GRIN2D: variants seen among roughly 807,000 people sequenced by gnomAD.
The protein encoded by GRIN2D is glutamate receptor ionotropic, NMDA 2D.
Under a neutral mutation model 103.2 loss-of-function variants are expected in GRIN2D, and 37 were observed. That is an observed-to-expected ratio of 0.36 (90% CI 0.28 to 0.47). The LOEUF is 0.47. Ranked by LOEUF, GRIN2D falls within the 20% of genes least tolerant of loss-of-function variation. GRIN2D has a pLI of 1.00. For synonymous variants in GRIN2D, 845 were observed against 885.6 expected, an observed-to-expected ratio of 0.95 and a Z score of 0.81; for missense variants, 1,557 against 1,910.6, an observed-to-expected ratio of 0.81 and a Z score of 3.45.
chr19:48,416,959 A>G (rs1364997268), intron 8 of GRIN2D, among the ~76,000 whole-genome samples: 1 of 152,022 alleles, frequency 6.6e-6, no homozygotes, highest in African/African-American at 2.4e-5. Flanking sequence ...TGGCCAGCCT[A>G]ATCTCAAACT....
chr19:48,419,688 C>T lies in GRIN2D; in HGVS notation c.1965C>T (p.Ser655=). 6.2e-7 allele frequency: 1 copy of T among 1,613,580 alleles called. No homozygotes were observed. The highest frequency in any genetic ancestry group is 8.5e-7 in the Non-Finnish European group (1 of 1,179,866). The part of the protein sequence containing the change: ...VPVENPRGTT[S]KIMVLVWAFF... Reference sequence around the variant, plus strand: ...TGGAGAACCCCCGGGGAACCACCAGCAAAATCATGGTGCTGGTGTGGGCCT... The same window carrying T: ...TGGAGAACCCCCGGGGAACCACCAGTAAAATCATGGTGCTGGTGTGGGCCT... Residue 655 remains serine, a synonymous_variant, in exon 10 of 14, where the codon AGC becomes AGT. Coordinates refer to ENST00000263269, the MANE Select transcript of GRIN2D (RefSeq NM_000836.4).
In GRIN2D at chr19:48,404,873, C is replaced by T. The variant is rs1970764503; in HGVS notation, c.605C>T (p.Ser202Phe). The part of the protein sequence containing the change: ...TRAPGHRAFL[S>F]YIEVLTDGSL... Reference sequence around the variant, plus strand: ...GCCCCTGGCCACCGGGCCTTCCTGTCCTACATTGAGGTGCTGACTGACGGT... The same window carrying T: ...GCCCCTGGCCACCGGGCCTTCCTGTTCTACATTGAGGTGCTGACTGACGGT... Residue 202 changes from serine (S) to phenylalanine (F), a missense_variant, in exon 4 of 14, where the codon TCC (serine) becomes TTC (phenylalanine). Physicochemically the swap from Ser to Phe is radical, Grantham distance 155. Coordinates refer to ENST00000263269, the MANE Select transcript of GRIN2D (RefSeq NM_000836.4). The T allele has an allele frequency of 6.2e-7, 1 of 1,614,202 alleles. No individual in the cohort carries two copies. The highest frequency in any genetic ancestry group is 8.5e-7 in the Non-Finnish European group (1 of 1,180,046).
intron 3 of GRIN2D, among the ~76,000 whole-genome samples, chr19:48,400,616 C>T (rs1388632784): frequency 6.6e-6 from 1 of 152,302 alleles, no homozygotes; most frequent in South Asian, 2.1e-4. Flanking sequence ...AGTGTACGCC[C>T]ATAGCATTCT....
chr19:48,426,220 C>CTTTCTTTTTTTTTTT (rs1971083582), intron 11 of GRIN2D, among the ~76,000 whole-genome samples: 23 of 127,116 alleles, frequency 1.8e-4, no homozygotes, highest in African/African-American at 5.6e-4. Flanking sequence ...TTCTTTCTTT[C>CTTTCTTTTTTTTTTT]TTTCTTTTTT....
chr19:48,417,158 T>G (rs574669664), intron 8 of GRIN2D, among the ~76,000 whole-genome samples: 23 of 152,256 alleles, frequency 1.5e-4, no homozygotes, highest in African/African-American at 5.5e-4. Flanking sequence ...AAGGATGGCT[T>G]GAACCCAGGA....
In GRIN2D at chr19:48,444,176, C is replaced by CT. The variant is rs560517085; in HGVS notation, c.*247dup. On this transcript the variant is annotated 3_prime_UTR_variant, in exon 14 of 14. Transcript: ENST00000263269. This position sits in a 1 kb window ranked among gnomAD's most constrained non-coding sequence, Gnocchi z 5.5. The stretch of plus-strand genomic sequence containing the variant: ...GGCGGGGGCCTTGGAGCCCACCGGA[C>CT]TTTTTTTTAAACCCGACAAGGGCTT... The CT allele has an allele frequency of 2.3e-4, 87 of 380,834 alleles. No homozygotes were observed. Among genetic ancestry groups the CT allele is most frequent in the African/African-American group, 1.5e-3 (73 of 47,876 alleles). 23.6% of individuals were successfully genotyped at this position (380,834 alleles called of 1,614,324 possible).
chr19:48,405,793 G>A lies in GRIN2D; in HGVS notation c.1085+440G>A, dbSNP rs1970785527. The stretch of plus-strand genomic sequence containing the variant: ...AGTGGCCCAGATGAGGTCGAAGTTT[G>A]TTCCTCTCTCACGTAACAACCCTGA... On this transcript the variant is annotated intron_variant, in intron 4 of 13. Transcript: ENST00000263269. The surrounding 1 kb of genome is among the most constrained non-coding windows in gnomAD (Gnocchi z 5.1). 6.6e-6 allele frequency among the ~76,000 whole-genome samples: 1 copy of A among 152,188 alleles called. No individual in the cohort carries two copies. Among genetic ancestry groups the A allele is most frequent in the African/African-American group, 2.4e-5 (1 of 41,448 alleles).
intron 2 of GRIN2D, among the ~76,000 whole-genome samples, chr19:48,396,053 TGAGG>T (rs1352962942): frequency 1.3e-5 from 2 of 151,976 alleles, no homozygotes; most frequent in Non-Finnish European, 2.9e-5. Flanking sequence ...CGCTTCCGTC[TGAGG>T]AAGGCAGGCT....
intron 11 of GRIN2D, among the ~76,000 whole-genome samples, chr19:48,441,273 G>C (rs1054878180): frequency 6.8e-6 from 1 of 147,784 alleles, no homozygotes; most frequent in Non-Finnish European, 1.5e-5. Flanking sequence ...TGAGGCAGGA[G>C]AATCGCTTGA....
Position 48,442,849 on chromosome 19 carries a change from C to G in GRIN2D, c.2923C>G (p.Leu975Val). ...CCCCATCGAGCCGCAGGGCCTAGGC[C>G]TCGGCCTGGGCGAAGCGCGCGCGGC... Reference protein sequence around the residue: ...YGPIEPQGLGLGLGEARAAPR... With the variant: ...YGPIEPQGLGVGLGEARAAPR... The change falls in exon 14 of 14, where the codon CTC becomes GTC. Residue 975 changes from leucine (L) to valine (V), a missense_variant. By Grantham distance (32) the Leu-to-Val change is conservative. Around this residue, in one of 7 missense-constraint regions of GRIN2D, gnomAD observed 632 missense variants for 572.8 expected, o/e 1.10. Coordinates refer to ENST00000263269, the MANE Select transcript of GRIN2D (RefSeq NM_000836.4). The surrounding 1 kb of genome is among the most constrained non-coding windows in gnomAD (Gnocchi z 7.2). 9.2e-7 allele frequency: 1 copy of G among 1,086,076 alleles called. No homozygotes were observed. Among genetic ancestry groups the G allele is most frequent in the East Asian group, 6.3e-5 (1 of 15,828 alleles). 67.3% of individuals were successfully genotyped at this position (1,086,076 alleles called of 1,614,324 possible). A position where few individuals can be genotyped will look rare whatever the true frequency, so the allele number is the denominator to read the frequency against.
At chr19:48,402,268 A>G (rs1297522309) in intron 3 of GRIN2D, among the ~76,000 whole-genome samples, 1 of 152,174 alleles carries the variant, frequency 6.6e-6, no homozygotes, top group Non-Finnish European at 1.5e-5. Flanking sequence ...GGAGTGGACA[A>G]CTGGAGCTAT....
Position 48,402,131 on chromosome 19 carries a change from A to ATAAAGAGAGAAAGAGAAG in GRIN2D, c.466-2603_466-2602insTAAAGAGAGAAAGAGAAG, listed in dbSNP as rs1338874478. 3.6e-5 allele frequency among the ~76,000 whole-genome samples: 5 copies of ATAAAGAGAGAAAGAGAAG among 137,044 alleles called. No homozygotes were observed. The East Asian group carries it at 1.1e-3, about 29-fold the overall frequency. The allele number at this position is 137,044 out of a possible 152,430, so 89.9% of individuals were successfully genotyped here. ...GAAAGAGAAGGAAAGAAAGAAAGAA[A>ATAAAGAGAGAAAGAGAAG]GAAAGAAAGAAAGAAAGAAAGAAAG... On this transcript the variant is annotated intron_variant, in intron 3 of 13. Coordinates refer to ENST00000263269, the MANE Select transcript of GRIN2D (RefSeq NM_000836.4).
chr19:48,397,822 A>C (rs1229146871), intron 2 of GRIN2D, among the ~76,000 whole-genome samples: 1 of 149,404 alleles, frequency 6.7e-6, no homozygotes, highest in Admixed American at 6.7e-5. Context: ...GGGTGTCCCC[A>C]TCCCCACCTT....
At chr19:48,418,887 G>A (rs528109418) in intron 8 of GRIN2D, among the ~76,000 whole-genome samples, 3 of 152,146 alleles carry the variant, frequency 2.0e-5, no homozygotes, top group East Asian at 3.9e-4. Flanking sequence ...TGCCTGCGAC[G>A]GCTCTCTTTG....
chr19:48,397,334 CT>C (rs1970655603), intron 2 of GRIN2D, among the ~76,000 whole-genome samples: 1 of 151,980 alleles, frequency 6.6e-6, no homozygotes, highest in Non-Finnish European at 1.5e-5. Context: ...CATTTTTTCT[CT>C]CCCTTTTCCT....
At chr19:48,396,367 C>T (rs950140463) in intron 2 of GRIN2D, among the ~76,000 whole-genome samples, 6 of 151,066 alleles carry the variant, frequency 4.0e-5, no homozygotes, top group African/African-American at 1.2e-4. Flanking sequence ...AGGGTGGGGC[C>T]GGGGGCTGCC....
In GRIN2D at chr19:48,421,976, T is replaced by G. The variant is rs1600983682; in HGVS notation, c.2252+31T>G. 6.2e-7 allele frequency: 1 copy of G among 1,603,554 alleles called. No homozygotes were observed. The highest frequency in any genetic ancestry group is 8.5e-7 in the Non-Finnish European group (1 of 1,172,550). On this transcript the variant is annotated intron_variant, in intron 11 of 13. Transcript: ENST00000263269. The surrounding 1 kb of genome is among the most constrained non-coding windows in gnomAD (Gnocchi z 4.8). ...CGCAGACTCGGGCCGGGGGTGGGGG[T>G]TGGGCCGCTGGGGACCTGAGGATGC...
intron 8 of GRIN2D, 93 bp from the exon 9 acceptor site, chr19:48,419,141 A>G: frequency 8.2e-7 from 1 of 1,217,300 alleles, no homozygotes. Flanking sequence ...AGCCTCCCAA[A>G]GTTCTGGGAG....
chr19:48,406,094 CT>C (rs1779282285), intron 4 of GRIN2D, among the ~76,000 whole-genome samples: 1 of 152,158 alleles, frequency 6.6e-6, no homozygotes, highest in African/African-American at 2.4e-5. Context: ...GGTTGGACGT[CT>C]ATTGGAATTA....
Sources: allele counts gnomAD v4.1 joint callset (sites outside exome capture counted in the v4.1 genomes callset), GRCh38; gene constraint gnomAD v4.1.1; regional missense constraint gnomAD v4.1.1; non-coding constraint Gnocchi (gnomAD v3.1); transcripts MANE v1.5; gene names NCBI Gene and HGNC (gene_info 2026-07-23, HGNC 2026-07-21).